PPA2: variants seen among roughly 807,000 people sequenced by gnomAD.
PPA2 encodes inorganic pyrophosphatase 2.
In PPA2, 48 loss-of-function variants were observed where a neutral mutation model predicts 49.5. That is an observed-to-expected ratio of 0.97 (90% CI 0.77 to 1.23). The LOEUF (loss-of-function observed/expected upper bound fraction) is 1.23. Among genes scored for constraint, PPA2 ranks in the 50% most tolerant of loss-of-function variants. PPA2 has a pLI of 0.00. For missense variants in PPA2, 429 were observed against 410.1 expected (o/e 1.05, Z -0.40); for synonymous variants, 131 against 139.9 (o/e 0.94, Z 0.45).
Position 105,369,104 on chromosome 4 carries a change from C to T in PPA2, c.*621G>A, listed in dbSNP as rs1732917012. The T allele has an allele frequency of 6.6e-6, 1 of 152,158 alleles. No individual in the cohort carries two copies. The highest frequency in any genetic ancestry group is 1.5e-5 in the Non-Finnish European group (1 of 68,028). The allele number at this position is 152,158 out of a possible 1,614,324, so 9.4% of individuals were successfully genotyped here. ...CACAAAGTTTATTAATTTATTGAATCTGTGATTTTTACATCCAATCTACAG... is the reference window on the plus strand; with the variant it reads ...CACAAAGTTTATTAATTTATTGAATTTGTGATTTTTACATCCAATCTACAG... On this transcript the variant is annotated 3_prime_UTR_variant, in exon 12 of 12. Transcript: ENST00000341695.
intron 1 of PPA2, among the ~76,000 whole-genome samples, chr4:105,472,783 A>G (rs1259723055): frequency 6.6e-6 from 1 of 152,252 alleles, no homozygotes; most frequent in Non-Finnish European, 1.5e-5. Context: ...CTCATGTAGC[A>G]TAACTGCAAA....
intron 9 of PPA2, among the ~76,000 whole-genome samples, chr4:105,395,933 T>C (rs949182115): frequency 6.6e-6 from 1 of 152,176 alleles, no homozygotes; most frequent in Non-Finnish European, 1.5e-5. Flanking sequence ...AGAAATTATA[T>C]GGTAGTTATT....
intron 1 of PPA2, among the ~76,000 whole-genome samples, chr4:105,468,942 T>G (rs1723416292): frequency 6.6e-6 from 1 of 152,222 alleles, no homozygotes; most frequent in Non-Finnish European, 1.5e-5. Flanking sequence ...CTGCAGCAGC[T>G]CGGCTTTTCC....
intron 7 of PPA2, among the ~76,000 whole-genome samples, chr4:105,410,961 T>C (rs536041803): frequency 6.6e-6 from 1 of 152,292 alleles, no homozygotes; most frequent in South Asian, 2.1e-4. Context: ...TGCAAAAACA[T>C]GCCAAATGGT....
chr4:105,410,260 G>T (rs1173299961), intron 7 of PPA2, among the ~76,000 whole-genome samples: 3 of 152,234 alleles, frequency 2.0e-5, no homozygotes, highest in African/African-American at 7.2e-5. Context: ...AGAACTTCAT[G>T]ACGCATGCAA....
chr4:105,428,064 A>G (rs1248662120), intron 6 of PPA2, among the ~76,000 whole-genome samples: 2 of 152,224 alleles, frequency 1.3e-5, no homozygotes, highest in Non-Finnish European at 2.9e-5. Flanking sequence ...TAAAGAAAAG[A>G]ATTTTCAACC....
intron 11 of PPA2, 32 bp downstream of exon 11, chr4:105,370,803 CAT>C (rs767970451): frequency 9.5e-6 from 13 of 1,367,750 alleles, no homozygotes; most frequent in Non-Finnish European, 1.2e-5. Context: ...TAAATTTATA[CAT>C]GTTACTCTTA....
At chr4:105,427,445 A>G (rs541107888) in intron 6 of PPA2, among the ~76,000 whole-genome samples, 1 of 152,214 alleles carries the variant, frequency 6.6e-6, no homozygotes, top group African/African-American at 2.4e-5. Flanking sequence ...GAAGCTAAAA[A>G]CTTTGAAAAA....
At chr4:105,446,872 G>C (rs377348334) in intron 4 of PPA2, among the ~76,000 whole-genome samples, 22 of 152,196 alleles carry the variant, frequency 1.4e-4, no homozygotes, top group East Asian at 1.4e-3. Context: ...CTAACTCAAA[G>C]ATTCCTACCA....
chr4:105,460,972 T>C (rs1232574883), intron 1 of PPA2, among the ~76,000 whole-genome samples: 1 of 151,896 alleles, frequency 6.6e-6, no homozygotes, highest in African/African-American at 2.4e-5. Context: ...TTTCATGAAA[T>C]AGTATTAATA....
At chr4:105,390,611 T>A (rs1176384819) in intron 9 of PPA2, among the ~76,000 whole-genome samples, 3 of 152,174 alleles carry the variant, frequency 2.0e-5, no homozygotes, top group African/African-American at 7.2e-5. Flanking sequence ...TGAGATACCA[T>A]CTTGAGCCAT....
intron 1 of PPA2, chr4:105,473,553 C>A (rs1299332777): frequency 3.8e-6 from 2 of 526,600 alleles, no homozygotes; most frequent in African/African-American, 3.9e-5. Flanking sequence ...GCGGCCGGGC[C>A]GGCTAATGGC....
At chr4:105,427,337 T>C (rs1371777625) in intron 6 of PPA2, among the ~76,000 whole-genome samples, 2 of 152,094 alleles carry the variant, frequency 1.3e-5, no homozygotes, top group East Asian at 1.9e-4. Context: ...CAAAACTGCA[T>C]GAAGAATGAC....
At chr4:105,433,334 T>C (rs78541751) in intron 6 of PPA2, among the ~76,000 whole-genome samples, 191 of 152,338 alleles carry the variant, frequency 1.3e-3, no homozygotes, top group African/African-American at 4.4e-3. Context: ...TTAACCTGCT[T>C]TTCTATTTCT....
chr4:105,425,723 T>TACACATAC (rs993307304), intron 6 of PPA2, among the ~76,000 whole-genome samples: 123 of 122,536 alleles, frequency 1.0e-3, no homozygotes, highest in African/African-American at 3.6e-3. Flanking sequence ...CACATGCACA[T>TACACATAC]ACACACACAC....
intron 7 of PPA2, among the ~76,000 whole-genome samples, chr4:105,407,338 A>G (rs1722528563): frequency 6.6e-6 from 1 of 152,248 alleles, no homozygotes; most frequent in Non-Finnish European, 1.5e-5. Flanking sequence ...AATCTGTAAC[A>G]AAGTATAAAG....
chr4:105,425,719 CACAT>C (rs1240960975), intron 6 of PPA2, among the ~76,000 whole-genome samples: 3 of 114,480 alleles, frequency 2.6e-5, no homozygotes, highest in South Asian at 2.6e-4. Flanking sequence ...AGGACACATG[CACAT>C]ACACACACAC....
At position 105,369,103 on chromosome 4, in the gene PPA2, T is replaced by G. The variant is rs1031960427; in HGVS notation, c.*622A>C. 6.6e-6 allele frequency: 1 copy of G among 152,238 alleles called. No individual in the cohort carries two copies. The highest frequency in any genetic ancestry group is 2.4e-5 in the African/African-American group (1 of 41,470). 9.4% of individuals were successfully genotyped at this position (152,238 alleles called of 1,614,324 possible). A position where few individuals can be genotyped will look rare whatever the true frequency, so the allele number is the denominator to read the frequency against. On this transcript the variant is annotated 3_prime_UTR_variant, in exon 12 of 12. Coordinates refer to ENST00000341695, the MANE Select transcript of PPA2 (RefSeq NM_176869.3). ...ACACAAAGTTTATTAATTTATTGAA[T>G]CTGTGATTTTTACATCCAATCTACA...
rs376660974 is a variant in PPA2 at position 105,418,798 on chromosome 4, G to A, written c.655+5398C>T. ...GCATCTAGGCCTAAATTAGCTCCTC[G>A]TGACATTAGTTCTCCTGACATAAGG... On this transcript the variant is annotated intron_variant, in intron 7 of 11. Coordinates refer to ENST00000341695, the MANE Select transcript of PPA2 (RefSeq NM_176869.3). Among the ~76,000 whole-genome samples, 142 of 152,250 alleles carry A rather than the reference G, an allele frequency of 9.3e-4. 1 individual carries two copies. The highest frequency in any genetic ancestry group is 3.3e-3 in the African/African-American group (137 of 41,544).
Sources: allele counts gnomAD v4.1 joint callset (sites outside exome capture counted in the v4.1 genomes callset), GRCh38; gene constraint gnomAD v4.1.1; transcripts MANE v1.5; gene names NCBI Gene and HGNC (gene_info 2026-07-23, HGNC 2026-07-21).